Variants in TMEM63A observed in about 807,000 individuals in gnomAD.
The protein encoded by TMEM63A is transmembrane protein 63A.
A neutral mutation model predicts 100.6 loss-of-function variants in TMEM63A; 76 were observed. The ratio of observed to expected loss-of-function variants is 0.76; its 90% CI spans 0.63 to 0.91. TMEM63A has a LOEUF of 0.91. Ranked by LOEUF, TMEM63A falls within the 40% of genes least tolerant of loss-of-function variation. The pLI is 0.00. For missense variants in TMEM63A, 876 were observed against 1,008.8 expected, an observed-to-expected ratio of 0.87 and a Z score of 1.78; for synonymous variants, 401 against 401.1, an observed-to-expected ratio of 1.00 and a Z score of 0.00.
chr1:225,876,184 C>T (rs1295625206), intron 3 of TMEM63A, among the ~76,000 whole-genome samples: 1 of 151,460 alleles, frequency 6.6e-6, no homozygotes, highest in African/African-American at 2.4e-5. Context: ...CAGCTAGGGT[C>T]CCTGCCCAGG....
chr1:225,859,361 G>A lies in TMEM63A; in HGVS notation c.1224-12C>T. ...TAGAGAGGTTCTTCCTGCAGCGGGA[G>A]AGGGGATACAGGTCTCGAGGCTTGT... On this transcript the variant is annotated splice_polypyrimidine_tract_variant and intron_variant, in intron 14 of 24. Coordinates refer to ENST00000366835, the MANE Select transcript of TMEM63A (RefSeq NM_014698.3). 6.2e-7 allele frequency: 1 copy of A among 1,613,454 alleles called. No individual in the cohort carries two copies. The highest frequency in any genetic ancestry group is 1.1e-5 in the South Asian group (1 of 91,044).
chr1:225,858,828 G>T (rs991696791), intron 15 of TMEM63A, among the ~76,000 whole-genome samples: 1 of 152,044 alleles, frequency 6.6e-6, no homozygotes, highest in East Asian at 1.9e-4. Context: ...ATTTTGAATG[G>T]ATGCTTGATA....
intron 21 of TMEM63A, 108 bp from the exon 22 acceptor site, chr1:225,849,120 C>T: frequency 1.2e-6 from 1 of 807,690 alleles, no homozygotes; most frequent in East Asian, 2.7e-5. Context: ...CCCGTGACTT[C>T]TCCCTCAGGC....
chr1:225,842,563 C>T, downstream of TMEM63A: 1 of 939,820 alleles, frequency 1.1e-6, no homozygotes, highest in Admixed American at 1.7e-5. Context: ...GGTTGCTCTG[C>T]ATGGGGCACT....
rs778531987 is a variant in TMEM63A, at chr1:225,852,640, G to C, written c.1903+24C>G. On this transcript the variant is annotated intron_variant, in intron 20 of 24. Transcript: ENST00000366835. The stretch of plus-strand genomic sequence containing the variant: ...AGCCGTCCATGTACCCATGTACCCT[G>C]GGACAGGCTCCAGGGCCACTCACCA... 8.1e-6 allele frequency: 13 copies of C among 1,609,656 alleles called. No individual in the cohort carries two copies. In the Admixed American group the frequency reaches 2.2e-4, roughly 27 times the overall value.
chr1:225,876,240 G>C (rs1194510080), intron 3 of TMEM63A, among the ~76,000 whole-genome samples: 1 of 151,328 alleles, frequency 6.6e-6, no homozygotes, highest in South Asian at 2.1e-4. Context: ...TCCCCACCCT[G>C]AAGACCCAAG....
At chr1:225,863,719 C>A (rs1487953124) in intron 10 of TMEM63A, among the ~76,000 whole-genome samples, 6 of 151,966 alleles carry the variant, frequency 3.9e-5, no homozygotes, top group Non-Finnish European at 8.8e-5. Context: ...GAGTTTGCGA[C>A]CAGCCTGGCC....
At chr1:225,871,892 C>T in intron 5 of TMEM63A, 95 bp downstream of exon 5, 2 of 942,022 alleles carry the variant, frequency 2.1e-6, no homozygotes, top group Non-Finnish European at 3.4e-6. Flanking sequence ...TTCTCCAGCA[C>T]TTGCCGCTCA....
chr1:225,880,703 TC>T (rs1429677332), intron 1 of TMEM63A, among the ~76,000 whole-genome samples: 1 of 152,164 alleles, frequency 6.6e-6, no homozygotes, highest in African/African-American at 2.4e-5. Flanking sequence ...GACTTCACGC[TC>T]CCAACCCAAA....
At chr1:225,876,986 G>C (rs1029820615) in intron 3 of TMEM63A, among the ~76,000 whole-genome samples, 8 of 152,132 alleles carry the variant, frequency 5.3e-5, no homozygotes, top group African/African-American at 1.9e-4. Flanking sequence ...GGATGCCAGA[G>C]GGGAACAGGA....
intron 9 of TMEM63A, 163 bp from the exon 10 acceptor site, chr1:225,866,130 T>G: frequency 1.5e-6 from 1 of 673,062 alleles, no homozygotes; most frequent in Middle Eastern, 2.6e-4. Flanking sequence ...GCATGTCATT[T>G]ACACAGCGTC....
intron 3 of TMEM63A, among the ~76,000 whole-genome samples, chr1:225,875,059 C>A (rs917229990): frequency 6.6e-6 from 1 of 152,160 alleles, no homozygotes; most frequent in Non-Finnish European, 1.5e-5. Flanking sequence ...AATTACAGAA[C>A]CAAGGTAGCA....
chr1:225,863,469 C>T (rs1178714835), intron 10 of TMEM63A, among the ~76,000 whole-genome samples: 1 of 152,154 alleles, frequency 6.6e-6, no homozygotes, highest in African/African-American at 2.4e-5. Context: ...TCTAAAGACC[C>T]AAAGGAACAG....
Position 225,862,193 on chromosome 1 carries a change from G to C in TMEM63A, c.1085+25C>G. The stretch of plus-strand genomic sequence containing the variant: ...AGGGGAACAGGGAGTCAGCCAAGAA[G>C]GGGTCTGGATGTGCCTACACTCACT... On this transcript the variant is annotated intron_variant, in intron 13 of 24. Coordinates refer to ENST00000366835, the MANE Select transcript of TMEM63A (RefSeq NM_014698.3). The surrounding 1 kb of genome is among the most constrained non-coding windows in gnomAD (Gnocchi z 5.1). The C allele has an allele frequency of 1.2e-6, 2 of 1,612,334 alleles. No homozygotes were observed. The highest frequency in any genetic ancestry group is 1.7e-6 in the Non-Finnish European group (2 of 1,179,378).
At position 225,877,965 on chromosome 1, in the gene TMEM63A, T is replaced by C. The variant is rs1670899440; in HGVS notation, c.-14-371A>G. On this transcript the variant is annotated intron_variant, in intron 2 of 24. Coordinates refer to ENST00000366835, the MANE Select transcript of TMEM63A (RefSeq NM_014698.3). ...GGACTCGTGTTGGGAAAGTCACTCC[T>C]GCAGAAGCCACTGGCGGATCTAGAG... is the stretch of plus-strand genomic sequence containing the variant. 3.3e-5 allele frequency among the ~76,000 whole-genome samples: 5 copies of C among 151,942 alleles called. No individual in the cohort carries two copies. The South Asian group carries it at 1.0e-3, about 32-fold the overall frequency.
At position 225,871,085 on chromosome 1, in the gene TMEM63A, A is replaced by G. The variant is rs1321507316; in HGVS notation, c.362T>C (p.Phe121Ser). Residue 121 changes from phenylalanine to serine, a missense_variant, in exon 6 of 25, where the codon TTC becomes TCC. By Grantham distance (155) the Phe-to-Ser change is radical. This residue lies in a region of TMEM63A where 487 missense variants were observed against 581.9 expected (regional missense o/e 0.84). Coordinates refer to ENST00000366835, the MANE Select transcript of TMEM63A (RefSeq NM_014698.3). ...LGCCPWLTAI[F>S]RLHDDQILEW... is the part of the protein sequence containing the mutation. ...CCCCGGGTGTACTCACTGCAGACGGAAGATGGCAGTCAGCCAGGGACAGCA... is the reference window on the plus strand; with the variant it reads ...CCCCGGGTGTACTCACTGCAGACGGGAGATGGCAGTCAGCCAGGGACAGCA... The G allele has an allele frequency of 2.5e-6, 4 of 1,613,994 alleles. No homozygotes were observed. The African/African-American group carries it at 5.3e-5, about 22-fold the overall frequency.
chr1:225,871,962 C>A, intron 5 of TMEM63A, 25 bp downstream of exon 5: 1 of 1,595,442 alleles, frequency 6.3e-7, no homozygotes, highest in Non-Finnish European at 8.6e-7. Flanking sequence ...CTGGCCATGA[C>A]CACAACTGGG....
chr1:225,855,195 G>A (rs1209946917), intron 18 of TMEM63A, among the ~76,000 whole-genome samples: 2 of 152,192 alleles, frequency 1.3e-5, no homozygotes, highest in East Asian at 3.9e-4. Context: ...AAGACCTAAT[G>A]TATAGTCTGT....
intron 21 of TMEM63A, among the ~76,000 whole-genome samples, chr1:225,849,567 T>C (rs1669219198): frequency 6.6e-6 from 1 of 152,212 alleles, no homozygotes. Context: ...CAGGGATGTA[T>C]GGGACAATTG....
Sources: gnomAD v4.1 joint callset for allele counts (sites outside exome capture counted in the v4.1 genomes callset) on GRCh38, gnomAD v4.1.1 for gene constraint, gnomAD v4.1.1 regional missense constraint, Gnocchi (gnomAD v3.1) non-coding constraint, MANE v1.5 for transcripts, NCBI Gene and HGNC (gene_info 2026-07-23, HGNC 2026-07-21) for gene names.